The following DMD variants were observed in gnomAD, a reference collection of about 807,000 sequenced individuals.
DMD encodes the protein dystrophin.
In DMD, 63 loss-of-function variants were observed where a neutral mutation model predicts 330.1. The observed-to-expected ratio is 0.19, with a 90% CI of 0.16 to 0.24. DMD has a LOEUF of 0.24. Among genes scored for constraint, DMD ranks in the 10% least tolerant of loss-of-function variants. The pLI is 1.00. For missense variants in DMD, 3,344 were observed against 2,684.1 expected (o/e 1.25, Z -5.43); for synonymous variants, 1,223 against 959.8 (o/e 1.27, Z -5.07).
At chrX:31,521,093 T>C (rs2072710855) in intron 55 of DMD, among the ~76,000 whole-genome samples, 2 of 111,827 alleles carry the variant, frequency 1.8e-5, no homozygotes, top group Admixed American at 9.5e-5. Context: ...ATAAGTCTTA[T>C]GAAGAACTAG....
At chrX:31,217,538 T>C (rs1313550293) in intron 64 of DMD, among the ~76,000 whole-genome samples, 1 of 112,272 alleles carries the variant, frequency 8.9e-6, no homozygotes, top group African/African-American at 3.2e-5. Context: ...GATAACATCA[T>C]TAATTTTCCT....
rs768878532 is a variant in DMD, at chrX:32,810,661, C to G, written c.531-1050G>C. Among the ~76,000 whole-genome samples the G allele has an allele frequency of 1.8e-4, 20 of 112,138 alleles. No individual in the cohort carries two copies. In the South Asian group the frequency reaches 7.5e-3, roughly 42 times the overall value. On this transcript the variant is annotated intron_variant, in intron 6 of 78. Transcript: ENST00000357033. ...CACTCTAGTCCAAAATCCATTTTAT[C>G]TTGCATGAATTATCACAATAGCCTC...
intron 9 of DMD, among the ~76,000 whole-genome samples, chrX:32,667,785 T>TTTTTC (rs1246563527): frequency 1.0e-5 from 1 of 96,253 alleles, no homozygotes; most frequent in African/African-American, 3.6e-5. Flanking sequence ...TTTTTTTTTT[T>TTTTTC]CCAGTTTTCT....
At chrX:32,364,992 T>G (rs1364104026) in intron 35 of DMD, 28 bp downstream of exon 35, 1 of 1,202,095 alleles carries the variant, frequency 8.3e-7, no homozygotes, top group Non-Finnish European at 1.1e-6. Context: ...CAGAGAAGGG[T>G]GTAAAAGCTT....
chrX:31,464,511 C>T (rs1314099752), intron 59 of DMD, among the ~76,000 whole-genome samples: 1 of 112,296 alleles, frequency 8.9e-6, no homozygotes, highest in Non-Finnish European at 1.9e-5. Flanking sequence ...TTTATGCTTT[C>T]GATGTGGAAG....
intron 1 of DMD, among the ~76,000 whole-genome samples, chrX:33,107,895 A>G (rs2095305509): frequency 9.0e-6 from 1 of 111,677 alleles, no homozygotes; most frequent in African/African-American, 3.2e-5. Context: ...TCCTTAAATG[A>G]TACTATTCTC....
intron 6 of DMD, among the ~76,000 whole-genome samples, chrX:32,814,764 T>C (rs992951482): frequency 1.8e-5 from 2 of 111,379 alleles, no homozygotes; most frequent in African/African-American, 6.5e-5. Flanking sequence ...TATTCAGAAA[T>C]CATTAAATAG....
intron 73 of DMD, among the ~76,000 whole-genome samples, chrX:31,171,697 C>A (rs1024885261): frequency 7.2e-5 from 8 of 111,471 alleles, no homozygotes; most frequent in Non-Finnish European, 1.5e-4. Flanking sequence ...AAGCCTGTTT[C>A]CCTGCCATAG....
chrX:32,590,033 A>G (rs1327690741), intron 13 of DMD, among the ~76,000 whole-genome samples: 1 of 112,085 alleles, frequency 8.9e-6, no homozygotes, highest in Non-Finnish European at 1.9e-5. Context: ...AAATCAGAAT[A>G]CCTCAAATTC....
chrX:31,167,233 C>A (rs1178674442), intron 74 of DMD, among the ~76,000 whole-genome samples: 1 of 111,760 alleles, frequency 8.9e-6, no homozygotes, highest in Non-Finnish European at 1.9e-5. Flanking sequence ...ACTGGGAAAT[C>A]TGGGGCAAGC....
chrX:32,738,300 A>G (rs373871311), intron 7 of DMD, among the ~76,000 whole-genome samples: 35 of 111,758 alleles, frequency 3.1e-4, no homozygotes, highest in African/African-American at 1.1e-3. Flanking sequence ...TAAAGAAAAA[A>G]AAATCTATGC....
chrX:32,728,339 G>T (rs2067134435), intron 7 of DMD, among the ~76,000 whole-genome samples: 1 of 111,731 alleles, frequency 9.0e-6, no homozygotes, highest in Non-Finnish European at 1.9e-5. Flanking sequence ...ACCCAATGTT[G>T]TAATACAGGC....
At chrX:31,566,959 A>G (rs1169022184) in intron 55 of DMD, among the ~76,000 whole-genome samples, 1 of 111,398 alleles carries the variant, frequency 9.0e-6, no homozygotes, top group African/African-American at 3.2e-5. Context: ...TTTTGACTTT[A>G]TGATGGGTTT....
intron 1 of DMD, among the ~76,000 whole-genome samples, chrX:33,129,325 C>CTTTTTT (rs58505662): frequency 0.24 from 7,452 of 30,692 alleles, 2,637 homozygotes; most frequent in Non-Finnish European, 0.3. Context: ...TTAAGGTTTG[C>CTTTTTT]TTTTTTTTTT....
In DMD at chrX:31,341,868, C is replaced by T. The variant is rs148465123; in HGVS notation, c.9163+6688G>A. ...AAAAACGTTTTACACTGTGATCTGG[C>T]GTGCGCGCGTGCGTGCGCGCGCGCA... is the stretch of plus-strand genomic sequence containing the variant. On this transcript the variant is annotated intron_variant, in intron 61 of 78. Coordinates refer to ENST00000357033, the MANE Select transcript of DMD (RefSeq NM_004006.3). 6.8e-3 allele frequency among the ~76,000 whole-genome samples: 609 copies of T among 89,563 alleles called. 3 individuals are homozygous for T. Among genetic ancestry groups the T allele is most frequent in the South Asian group, 0.015 (27 of 1,823 alleles). The allele number at this position is 89,563 out of a possible 115,157, so 77.8% of individuals were successfully genotyped here.
At chrX:31,424,462 C>CA (rs1433555508) in intron 60 of DMD, among the ~76,000 whole-genome samples, 1 of 111,719 alleles carries the variant, frequency 9.0e-6, no homozygotes, top group Non-Finnish European at 1.9e-5. Context: ...GCTACATAGA[C>CA]TAGTCTTTGG....
intron 7 of DMD, among the ~76,000 whole-genome samples, chrX:32,768,334 G>C (rs751030524): frequency 9.0e-6 from 1 of 111,423 alleles, no homozygotes; most frequent in Non-Finnish European, 1.9e-5. Context: ...TGTCAATATC[G>C]TAACAATGAA....
intron 43 of DMD, among the ~76,000 whole-genome samples, chrX:32,264,277 T>C (rs2097335322): frequency 8.9e-6 from 1 of 111,811 alleles, no homozygotes; most frequent in Non-Finnish European, 1.9e-5. Flanking sequence ...TCCACAGTGA[T>C]TGTAAGTTTC....
chrX:32,230,414 T>G (rs1465042073), intron 43 of DMD, among the ~76,000 whole-genome samples: 2 of 110,220 alleles, frequency 1.8e-5, no homozygotes, highest in Non-Finnish European at 3.8e-5. Context: ...CCGGCTAATT[T>G]TTTGTATTTT....
Sources: allele counts gnomAD v4.1 joint callset (sites outside exome capture counted in the v4.1 genomes callset), GRCh38; gene constraint gnomAD v4.1.1; transcripts MANE v1.5; gene names NCBI Gene and HGNC (gene_info 2026-07-23, HGNC 2026-07-21).